The following THSD4 variants were observed in gnomAD, a reference collection of about 807,000 sequenced individuals.
THSD4 encodes the protein thrombospondin type-1 domain-containing protein 4.
THSD4 carries 69 observed loss-of-function variants against 119.0 expected under a neutral mutation model. The ratio of observed to expected loss-of-function variants is 0.58; its 90% CI spans 0.48 to 0.71. THSD4 has a LOEUF of 0.71. THSD4 is among the 30% of genes least tolerant of loss of function. The pLI is 0.00. For missense variants in THSD4, 1,393 were observed against 1,391.1 expected (o/e 1.00, Z -0.02); for synonymous variants, 524 against 540.4 (o/e 0.97, Z 0.42).
chr15:71,479,374 C>G (rs889008925), intron 7 of THSD4, among the ~76,000 whole-genome samples: 2 of 151,962 alleles, frequency 1.3e-5, no homozygotes, highest in Non-Finnish European at 2.9e-5. Flanking sequence ...ATTGGGTAAC[C>G]TTTCTCTTTC....
intron 6 of THSD4, among the ~76,000 whole-genome samples, chr15:71,289,518 G>C (rs548767672): frequency 1.6e-4 from 24 of 152,022 alleles, no homozygotes; most frequent in African/African-American, 5.3e-4. Context: ...GGCTGAGATA[G>C]ATACCAGGGC....
intron 2 of THSD4, among the ~76,000 whole-genome samples, chr15:71,143,694 T>C (rs1303433782): frequency 3.5e-5 from 5 of 142,110 alleles, no homozygotes; most frequent in Non-Finnish European, 7.4e-5. Context: ...TCTTTTTTTT[T>C]TCTTTCTTTT....
intron 7 of THSD4, among the ~76,000 whole-genome samples, chr15:71,449,641 G>A (rs1018893863): frequency 2.2e-5 from 3 of 139,044 alleles, no homozygotes; most frequent in Non-Finnish European, 3.3e-5. Flanking sequence ...ACAGGACAAT[G>A]ATGATAATCG....
chr15:71,137,404 C>T (rs1024436803), intron 1 of THSD4, among the ~76,000 whole-genome samples: 1 of 152,214 alleles, frequency 6.6e-6, no homozygotes, highest in Non-Finnish European at 1.5e-5. Flanking sequence ...TAATTCCCCA[C>T]AATCACAGTT....
At chr15:71,568,107 A>G (rs1188282552) in intron 7 of THSD4, among the ~76,000 whole-genome samples, 2 of 152,084 alleles carry the variant, frequency 1.3e-5, no homozygotes, top group Non-Finnish European at 2.9e-5. Flanking sequence ...AAAGATACAA[A>G]CTTGGGACTA....
intron 6 of THSD4, among the ~76,000 whole-genome samples, chr15:71,381,680 A>T (rs957798370): frequency 1.3e-5 from 2 of 152,230 alleles, no homozygotes; most frequent in African/African-American, 4.8e-5. Flanking sequence ...AATTCATTAT[A>T]ATCAGCAATT....
At chr15:71,590,255 A>G (rs2049768235) in intron 7 of THSD4, among the ~76,000 whole-genome samples, 1 of 138,688 alleles carries the variant, frequency 7.2e-6, no homozygotes, top group South Asian at 2.3e-4. Context: ...TCACAGCAGA[A>G]TTTCAGAATG....
chr15:71,244,731 T>G (rs1185195213), intron 5 of THSD4, among the ~76,000 whole-genome samples: 1 of 152,162 alleles, frequency 6.6e-6, no homozygotes, highest in Non-Finnish European at 1.5e-5. Context: ...GCTTTGTAAA[T>G]CAAAAAGTAA....
chr15:71,363,301 T>C (rs1158751250), intron 6 of THSD4, among the ~76,000 whole-genome samples: 2 of 152,150 alleles, frequency 1.3e-5, no homozygotes, highest in Non-Finnish European at 2.9e-5. Flanking sequence ...AAAAACAAAG[T>C]AGTAAACCAG....
At chr15:71,597,779 A>G (rs1237640404) in intron 7 of THSD4, among the ~76,000 whole-genome samples, 1 of 152,134 alleles carries the variant, frequency 6.6e-6, no homozygotes, top group Non-Finnish European at 1.5e-5. Flanking sequence ...TAGGGTGGGA[A>G]AGCAGATCCC....
intron 6 of THSD4, among the ~76,000 whole-genome samples, chr15:71,319,582 C>G (rs188703141): frequency 2.8e-4 from 43 of 152,154 alleles, no homozygotes; most frequent in Middle Eastern, 6.8e-3. Context: ...ATGAATTCAT[C>G]CTTTTTTATG....
At chr15:71,506,325 C>A (rs1242475994) in intron 7 of THSD4, among the ~76,000 whole-genome samples, 1 of 152,176 alleles carries the variant, frequency 6.6e-6, no homozygotes, top group African/African-American at 2.4e-5. Context: ...GATGAGTGAT[C>A]TGTTTCAGCC....
At chr15:71,718,867 C>G (rs1373170922) in intron 8 of THSD4, among the ~76,000 whole-genome samples, 1 of 152,210 alleles carries the variant, frequency 6.6e-6, no homozygotes, top group Non-Finnish European at 1.5e-5. Flanking sequence ...GGAAATTTTA[C>G]CAGCCTCTCT....
At chr15:71,547,526 G>A (rs1334525875) in intron 7 of THSD4, 11 of 1,546,040 alleles carry the variant, frequency 7.1e-6, no homozygotes, top group Non-Finnish European at 8.7e-6. Flanking sequence ...TTTTTTTTCA[G>A]CATTATATTT....
At position 71,745,112 on chromosome 15, in the gene THSD4, A is replaced by G. The variant is rs1295784977; in HGVS notation, c.1913A>G (p.Gln638Arg). The G allele has an allele frequency of 6.2e-7, 1 of 1,611,166 alleles. No homozygotes were observed. Among genetic ancestry groups the G allele is most frequent in the South Asian group, 1.1e-5 (1 of 90,892 alleles). The change falls in exon 12 of 18, where the codon CAG becomes CGG. Residue 638 changes from glutamine to arginine, a missense_variant. Transcript: ENST00000261862. ...ECSTTCGKGS[Q>R]YPIFRCVHRS... ...CATTCTCCTGTTGTTGCAGGATCGC[A>G]GTACCCTATTTTCCGCTGTGTGCAC...
At chr15:71,498,169 A>G (rs909979774) in intron 7 of THSD4, among the ~76,000 whole-genome samples, 1 of 152,224 alleles carries the variant, frequency 6.6e-6, no homozygotes, top group African/African-American at 2.4e-5. Flanking sequence ...AAACAATATT[A>G]AATTTTGTAA....
rs1408434080 is a variant in THSD4, at chr15:71,420,466, C to T, written c.1152+8643C>T. Among the ~76,000 whole-genome samples, 2 of 105,756 alleles carry T rather than the reference C, an allele frequency of 1.9e-5. 1 individual carries two copies. The highest frequency in any genetic ancestry group is 6.5e-5 in the African/African-American group (2 of 30,960). The allele number at this position is 105,756 out of a possible 152,430, so 69.4% of individuals were successfully genotyped here. A position where few individuals can be genotyped will look rare whatever the true frequency, so the allele number is the denominator to read the frequency against. On this transcript the variant is annotated intron_variant, in intron 7 of 17. Transcript: ENST00000261862. ...TTGATTTGTGAGTTTTGTCCATTTC[C>T]ATTCAATGTTATTATTGATAGTTAA...
chr15:71,667,825 C>G (rs1436403178), intron 8 of THSD4, among the ~76,000 whole-genome samples: 1 of 152,168 alleles, frequency 6.6e-6, no homozygotes, highest in African/African-American at 2.4e-5. Flanking sequence ...AAACTCCACA[C>G]TTGATCCACT....
intron 7 of THSD4, among the ~76,000 whole-genome samples, chr15:71,518,866 A>G (rs1436565630): frequency 6.6e-6 from 1 of 152,208 alleles, no homozygotes; most frequent in Non-Finnish European, 1.5e-5. Context: ...ACTGTTGCTC[A>G]GGGATTCCAC....
Sources: gnomAD v4.1 joint callset for allele counts (sites outside exome capture counted in the v4.1 genomes callset) on GRCh38, gnomAD v4.1.1 for gene constraint, MANE v1.5 for transcripts, NCBI Gene and HGNC (gene_info 2026-07-23, HGNC 2026-07-21) for gene names.